FAT4: variants seen among roughly 807,000 people sequenced by gnomAD.
The protein encoded by FAT4 is protocadherin Fat 4.
In FAT4, 84 loss-of-function variants were observed where a neutral mutation model predicts 303.9. The observed-to-expected ratio is 0.28, with a 90% confidence interval of 0.23 to 0.33. FAT4 has a LOEUF of 0.33. Among genes scored for constraint, FAT4 ranks in the 10% least tolerant of loss-of-function variants. The pLI is 1.00. For synonymous variants in FAT4, 2,307 were observed against 2,298.8 expected, an observed-to-expected ratio of 1.00 and a Z score of -0.10; for missense variants, 6,005 against 6,146.8, an observed-to-expected ratio of 0.98 and a Z score of 0.77.
At chr4:125,351,826 C>T (rs1732236828) in intron 2 of FAT4, among the ~76,000 whole-genome samples, 1 of 151,644 alleles carries the variant, frequency 6.6e-6, no homozygotes, top group Non-Finnish European at 1.5e-5. Flanking sequence ...CAGAAATACT[C>T]ATCCTAAGAA....
At chr4:125,453,213 T>G (rs1262143365) in intron 10 of FAT4, among the ~76,000 whole-genome samples, 1 of 152,216 alleles carries the variant, frequency 6.6e-6, no homozygotes, top group Non-Finnish European at 1.5e-5. Flanking sequence ...AAAAGAGTAT[T>G]CTAGATATTA....
chr4:125,415,596 C>G lies in FAT4; in HGVS notation c.6633C>G (p.Ile2211Met). 2 of 1,614,076 alleles carry G rather than the reference C, an allele frequency of 1.2e-6. No individual in the cohort carries two copies. The highest frequency in any genetic ancestry group is 8.5e-7 in the Non-Finnish European group (1 of 1,179,988). ...EFRIDSVTGAITVAKPLDREK... is the reference protein window; with the variant it reads ...EFRIDSVTGAMTVAKPLDREK... ...GGATAGACTCTGTCACAGGTGCCAT[C>G]ACTGTCGCTAAACCTTTGGATAGAG... The change falls in exon 6 of 18, where the codon ATC (isoleucine) becomes ATG (methionine). Residue 2211 changes from isoleucine (I) to methionine (M), a missense_variant. Coordinates refer to ENST00000394329, the MANE Select transcript of FAT4 (RefSeq NM_001291303.3).
rs779293564 is a variant in FAT4, at chr4:125,417,327, G to A, written c.7018+705G>A. On this transcript the variant is annotated intron_variant, in intron 7 of 17. Coordinates refer to ENST00000394329, the MANE Select transcript of FAT4 (RefSeq NM_001291303.3). ...TGGGTGAGTGAGTCTGTTAGGAGGA[G>A]CTTTCACTAGAAGGTGGCTCAGTAT... 2.6e-4 allele frequency among the ~76,000 whole-genome samples: 40 copies of A among 152,084 alleles called. 1 individual carries two copies. Among genetic ancestry groups the A allele is most frequent in the Non-Finnish European group, 2.5e-4 (17 of 68,026 alleles).
chr4:125,363,728 T>G (rs922819226), intron 2 of FAT4, among the ~76,000 whole-genome samples: 9 of 152,096 alleles, frequency 5.9e-5, no homozygotes, highest in Non-Finnish European at 1.0e-4. Context: ...TCTCCTGACC[T>G]CATGATCCGT....
At position 125,475,837 on chromosome 4, in the gene FAT4, G is replaced by T. The variant is rs72916939; in HGVS notation, c.12214-334G>T. ...ACGTTTCTTAAGATTGTAATCTACA[G>T]GAAGATGTTTCAGACCTATTGTGTA... On this transcript the variant is annotated intron_variant, in intron 12 of 17. Coordinates refer to ENST00000394329, the MANE Select transcript of FAT4 (RefSeq NM_001291303.3). Among the ~76,000 whole-genome samples, 735 of 152,104 alleles carry T rather than the reference G, an allele frequency of 4.8e-3. 7 individuals are homozygous for T. Among genetic ancestry groups the T allele is most frequent in the African/African-American group, 0.017 (697 of 41,506 alleles).
In FAT4 at chr4:125,468,601, T is replaced by G. The variant is rs779229832; in HGVS notation, c.11995T>G (p.Tyr3999Asp). The G allele has an allele frequency of 6.2e-7, 1 of 1,614,156 alleles. No homozygotes were observed. The highest frequency in any genetic ancestry group is 8.5e-7 in the Non-Finnish European group (1 of 1,180,030). ...TCCAAGCTTGGACCCCAATAACAAC[T>G]ATATTTATGTCAAATTTGCCACGAT... Reference protein sequence around the residue: ...EFPSLDPNNNYIYVKFATIKS... With the variant: ...EFPSLDPNNNDIYVKFATIKS... The change falls in exon 12 of 18, where the codon TAT becomes GAT. Residue 3999 changes from tyrosine to aspartate, a missense_variant. Transcript: ENST00000394329.
At position 125,451,707 on chromosome 4, in the gene FAT4, G is replaced by C; in HGVS notation, c.10697G>C (p.Gly3566Ala). 1 of 1,614,156 alleles carries C rather than the reference G, an allele frequency of 6.2e-7. No individual in the cohort carries two copies. Among genetic ancestry groups the C allele is most frequent in the Non-Finnish European group, 8.5e-7 (1 of 1,180,010 alleles). Residue 3566 changes from glycine to alanine, a missense_variant, in exon 10 of 18, where the codon GGA becomes GCA. Transcript: ENST00000394329. ...AGTTATTTCAGTCTGAGCACTGCTGGAGTTCTGAGCACAACCAGAGAGATT... is the reference window on the plus strand; with the variant it reads ...AGTTATTTCAGTCTGAGCACTGCTGCAGTTCTGAGCACAACCAGAGAGATT... ...ATSYFSLSTA[G>A]VLSTTREIDR...
rs1204691985 is a variant in FAT4 at position 125,317,273 on chromosome 4, CG to C, written c.863del (p.Arg288ProfsTer53). ...DEGTNADIRY[R>X]LQDEGTPFQM... ...GGGCACCAACGCGGACATCCGCTAT[CG>C]CCTGCAGGACGAGGGGACCCCCTTC... On this transcript the variant is annotated frameshift_variant, in exon 2 of 18. Coordinates refer to ENST00000394329, the MANE Select transcript of FAT4 (RefSeq NM_001291303.3). LOFTEE classifies it high-confidence loss of function. The surrounding 1 kb of genome is among the most constrained non-coding windows in gnomAD (Gnocchi z 7.0). 1 of 1,583,368 alleles carries C rather than the reference CG, an allele frequency of 6.3e-7. No homozygotes were observed. The highest frequency in any genetic ancestry group is 2.3e-5 in the East Asian group (1 of 44,426).
At chr4:125,453,532 C>T (rs1726170869) in intron 10 of FAT4, among the ~76,000 whole-genome samples, 1 of 152,002 alleles carries the variant, frequency 6.6e-6, no homozygotes, top group African/African-American at 2.4e-5. Flanking sequence ...CATGTGAAAA[C>T]CCATCTCTAC....
chr4:125,318,742 A>C lies in FAT4; in HGVS notation c.2331A>C (p.Ala777=), dbSNP rs570465281. 4 of 1,614,056 alleles carry C rather than the reference A, an allele frequency of 2.5e-6. No individual in the cohort carries two copies. Among genetic ancestry groups the C allele is most frequent in the East Asian group, 2.2e-5 (1 of 44,864 alleles). ...DGGNLQSPNQ[A]IVTITVLDTQ... ...GCAATTTACAATCTCCCAACCAGGC[A>C]ATAGTAACCATCACTGTATTGGACA... Residue 777 remains alanine, a synonymous_variant, in exon 2 of 18, where the codon GCA becomes GCC. Coordinates refer to ENST00000394329, the MANE Select transcript of FAT4 (RefSeq NM_001291303.3).
chr4:125,449,747 A>C lies in FAT4; in HGVS notation c.8737A>C (p.Ile2913Leu). ...EGSNGQVFYF[I>L]KSQSEYFRIN... ...ATCAAATGGACAAGTGTTTTATTTCATAAAATCCCAATCAGAATATTTCAG... is the reference window on the plus strand; with the variant it reads ...ATCAAATGGACAAGTGTTTTATTTCCTAAAATCCCAATCAGAATATTTCAG... Residue 2913 changes from isoleucine (I) to leucine (L), a missense_variant, in exon 10 of 18, where the codon ATA (isoleucine) becomes CTA (leucine). Coordinates refer to ENST00000394329, the MANE Select transcript of FAT4 (RefSeq NM_001291303.3). 6.2e-7 allele frequency: 1 copy of C among 1,613,804 alleles called. No individual in the cohort carries two copies. The highest frequency in any genetic ancestry group is 1.7e-5 in the Admixed American group (1 of 60,008).
At chr4:125,437,806 T>G (rs547207938) in intron 8 of FAT4, among the ~76,000 whole-genome samples, 1 of 152,354 alleles carries the variant, frequency 6.6e-6, no homozygotes, top group African/African-American at 2.4e-5. Context: ...ACTCTACTAT[T>G]ACTATTGCAT....
chr4:125,320,525 A>G lies in FAT4; in HGVS notation c.4114A>G (p.Ile1372Val). ...TAGCATTAGCCCAAACACTGGGAGT[A>G]TTTTTCTTGCCAAAAAACTGGACTT... ...TFSISPNTGS[I>V]FLAKKLDFET... Residue 1372 changes from isoleucine to valine, a missense_variant, in exon 2 of 18, where the codon ATT becomes GTT. Physicochemically the swap from Ile to Val is conservative, Grantham distance 29. Coordinates refer to ENST00000394329, the MANE Select transcript of FAT4 (RefSeq NM_001291303.3). The G allele has an allele frequency of 6.2e-7, 1 of 1,613,980 alleles. No homozygotes were observed. Among genetic ancestry groups the G allele is most frequent in the Non-Finnish European group, 8.5e-7 (1 of 1,179,908 alleles).
chr4:125,387,155 C>T (rs545081029), intron 2 of FAT4, among the ~76,000 whole-genome samples: 19 of 152,266 alleles, frequency 1.2e-4, no homozygotes, highest in African/African-American at 4.1e-4. Context: ...AAACCAGTAC[C>T]GGTCTGTGCC....
chr4:125,384,091 T>C (rs1733644336), intron 2 of FAT4, among the ~76,000 whole-genome samples: 1 of 152,200 alleles, frequency 6.6e-6, no homozygotes, highest in African/African-American at 2.4e-5. Context: ...GACATTTGGG[T>C]TGTTTTCACC....
intron 7 of FAT4, among the ~76,000 whole-genome samples, chr4:125,433,824 G>C (rs1057173518): frequency 7.2e-5 from 11 of 151,958 alleles, no homozygotes; most frequent in Admixed American, 4.6e-4. Context: ...TCACAGCTGA[G>C]AGTCCAGTTT....
chr4:125,392,205 A>G (rs1259264268), intron 2 of FAT4, among the ~76,000 whole-genome samples: 2 of 152,172 alleles, frequency 1.3e-5, no homozygotes, highest in African/African-American at 4.8e-5. Context: ...CATTATCTTA[A>G]TATCTTTAGA....
chr4:125,489,968 T>C lies in FAT4; in HGVS notation c.13152T>C (p.His4384=). 6.2e-7 allele frequency: 1 copy of C among 1,601,450 alleles called. No individual in the cohort carries two copies. The highest frequency in any genetic ancestry group is 8.5e-7 in the Non-Finnish European group (1 of 1,174,456). The part of the protein sequence containing the change: ...GGESLPFSGK[H]SLASISKTDP... ...AAAGTCTTCCTTTCAGCGGGAAGCA[T>C]AGCTTGGCCTCCATCTCAAAAACAG... The change falls in exon 18 of 18, where the codon CAT becomes CAC. Residue 4384 remains histidine, a synonymous_variant. Transcript: ENST00000394329.
chr4:125,450,256 T>G lies in FAT4; in HGVS notation c.9246T>G (p.Thr3082=). Residue 3082 remains threonine, a synonymous_variant, in exon 10 of 18, where the codon ACT becomes ACG. Transcript: ENST00000394329. Reference sequence around the variant, plus strand: ...AAGCAACTGTTCACATAACTGTCACTGAGGAAAACTACCATACACCTGAAT... The same window carrying G: ...AAGCAACTGTTCACATAACTGTCACGGAGGAAAACTACCATACACCTGAAT... ...SSQATVHITV[T]EENYHTPEFS... The G allele has an allele frequency of 6.2e-7, 1 of 1,614,080 alleles. No individual in the cohort carries two copies. The highest frequency in any genetic ancestry group is 8.5e-7 in the Non-Finnish European group (1 of 1,180,002).
Sources: gnomAD v4.1 joint callset for allele counts (sites outside exome capture counted in the v4.1 genomes callset) on GRCh38, gnomAD v4.1.1 for gene constraint, Gnocchi (gnomAD v3.1) non-coding constraint, MANE v1.5 for transcripts, NCBI Gene and HGNC (gene_info 2026-07-23, HGNC 2026-07-21) for gene names.